The following NEDD4L variants were observed in gnomAD, a reference collection of about 807,000 sequenced individuals.
NEDD4L encodes the protein NEDD4 like E3 ubiquitin protein ligase, also known as E3 ubiquitin-protein ligase NEDD4-like.
A neutral mutation model predicts 148.9 loss-of-function variants in NEDD4L; 54 were observed. The ratio of observed to expected loss-of-function variants is 0.36; its 90% confidence interval spans 0.29 to 0.45. NEDD4L has a LOEUF of 0.45. Ranked by LOEUF, NEDD4L falls within the 20% of genes least tolerant of loss-of-function variation. The probability of loss-of-function intolerance (pLI) is 1.00; values close to 1 mark genes in which losing one functional copy is unlikely to be tolerated. For synonymous variants in NEDD4L, 433 were observed against 440.7 expected (o/e 0.98, Z 0.22); for missense variants, 856 against 1,233.8 (o/e 0.69, Z 4.59).
At chr18:58,092,853 CTCTT>C (rs1330290170) in intron 1 of NEDD4L, among the ~76,000 whole-genome samples, 2 of 147,824 alleles carry the variant, frequency 1.4e-5, no homozygotes, top group Non-Finnish European at 3.0e-5. Context: ...CTCCCTCTCT[CTCTT>C]TTTTTTTTGT....
intron 26 of NEDD4L, 44 bp from the exon 27 acceptor site, chr18:58,387,395 T>C: frequency 6.7e-7 from 1 of 1,489,454 alleles, no homozygotes; most frequent in Middle Eastern, 1.8e-4. Flanking sequence ...TTTTTTTTTT[T>C]TGAAGGCAAT....
chr18:58,062,301 C>G (rs553814851), intron 1 of NEDD4L, among the ~76,000 whole-genome samples: 1 of 152,174 alleles, frequency 6.6e-6, no homozygotes, highest in East Asian at 1.9e-4. Context: ...GTCTGTTGTC[C>G]TGAAAGGTGC....
At chr18:58,326,552 T>G (rs59390556) in intron 9 of NEDD4L, among the ~76,000 whole-genome samples, 7,431 of 152,276 alleles carry the variant, frequency 0.049, 552 homozygotes, top group African/African-American at 0.17. Flanking sequence ...TGGACCCACC[T>G]TGGGCTTGGT....
rs370232810 is a variant in NEDD4L at position 58,212,233 on chromosome 18, T to A, written c.123-33194T>A. On this transcript the variant is annotated intron_variant, in intron 2 of 30. Coordinates refer to ENST00000400345, the MANE Select transcript of NEDD4L (RefSeq NM_001144967.3). ...CCTTGACCTCCCAGACTCAGGTGAT[T>A]CTCCCACCTCAGCCTCCCATGTAGC... is the stretch of plus-strand genomic sequence containing the variant. 2.0e-5 allele frequency among the ~76,000 whole-genome samples: 3 copies of A among 152,130 alleles called. No individual in the cohort carries two copies. In the East Asian group the frequency reaches 5.8e-4, roughly 29 times the overall value.
chr18:58,209,660 A>G (rs1048040485), intron 2 of NEDD4L, among the ~76,000 whole-genome samples: 4 of 151,440 alleles, frequency 2.6e-5, no homozygotes, highest in African/African-American at 9.7e-5. Context: ...ATGAAGGTAA[A>G]AAGTAAAGAA....
chr18:58,290,528 G>C (rs1443060989), intron 5 of NEDD4L, among the ~76,000 whole-genome samples: 1 of 152,200 alleles, frequency 6.6e-6, no homozygotes, highest in Non-Finnish European at 1.5e-5. Flanking sequence ...AAGTGGGAGA[G>C]AGTCTAAAAA....
chr18:58,193,120 C>A (rs997671528), intron 2 of NEDD4L, among the ~76,000 whole-genome samples: 1 of 152,086 alleles, frequency 6.6e-6, no homozygotes, highest in Non-Finnish European at 1.5e-5. Flanking sequence ...TGATTTGAGT[C>A]ATTTTATTTA....
chr18:58,129,904 T>C (rs1304017379), intron 1 of NEDD4L, among the ~76,000 whole-genome samples: 1 of 146,908 alleles, frequency 6.8e-6, no homozygotes, highest in African/African-American at 2.5e-5. Flanking sequence ...TGTTGGGCTC[T>C]GGAGTTTGGT....
chr18:58,384,983 G>C (rs2146764923), intron 25 of NEDD4L, among the ~76,000 whole-genome samples: 1 of 152,226 alleles, frequency 6.6e-6, no homozygotes, highest in Non-Finnish European at 1.5e-5. Context: ...CTAAATTTTG[G>C]CATTAAATTA....
At chr18:58,157,560 T>G (rs561957759) in intron 1 of NEDD4L, among the ~76,000 whole-genome samples, 1 of 152,326 alleles carries the variant, frequency 6.6e-6, no homozygotes, top group South Asian at 2.1e-4. Context: ...TTTTGGATTT[T>G]TTTTTTAAAT....
intron 1 of NEDD4L, among the ~76,000 whole-genome samples, chr18:58,153,334 C>CTTTT (rs58164854): frequency 7.8e-6 from 1 of 128,160 alleles, no homozygotes. Flanking sequence ...AAGAGATTGA[C>CTTTT]TTTTTTTTTT....
At chr18:58,198,359 G>C (rs1407322839) in intron 2 of NEDD4L, among the ~76,000 whole-genome samples, 1 of 152,200 alleles carries the variant, frequency 6.6e-6, no homozygotes, top group Admixed American at 6.5e-5. Flanking sequence ...AAATTAAGCA[G>C]AGTGACATGT....
intron 1 of NEDD4L, among the ~76,000 whole-genome samples, chr18:58,057,171 C>G (rs1225154028): frequency 6.6e-6 from 1 of 152,188 alleles, no homozygotes; most frequent in African/African-American, 2.4e-5. Context: ...AATGCACATG[C>G]TCCCTTTCTC....
At chr18:58,197,116 G>T (rs2040802811) in intron 2 of NEDD4L, among the ~76,000 whole-genome samples, 1 of 152,112 alleles carries the variant, frequency 6.6e-6, no homozygotes, top group African/African-American at 2.4e-5. Flanking sequence ...CCCTGGATGT[G>T]GGAGGAACAG....
chr18:58,151,625 ATGTGTGTGTGTG>A (rs113714456), intron 1 of NEDD4L, among the ~76,000 whole-genome samples: 2 of 140,980 alleles, frequency 1.4e-5, no homozygotes, highest in East Asian at 4.2e-4. Context: ...GTGCCTGGAT[ATGTGTGTGTGTG>A]TGTGTGTGTG....
chr18:58,333,332 A>G (rs2041275915), intron 11 of NEDD4L, among the ~76,000 whole-genome samples: 1 of 151,958 alleles, frequency 6.6e-6, no homozygotes. Context: ...TTTCAGAAGT[A>G]GGCCAAGATG....
chr18:58,360,742 T>TTGTG (rs10665833), intron 19 of NEDD4L, among the ~76,000 whole-genome samples: 8,554 of 146,000 alleles, frequency 0.059, 292 homozygotes, highest in African/African-American at 0.094. Flanking sequence ...AGTTTATAAT[T>TTGTG]TGTGTGTGTG....
At chr18:58,066,836 A>G (rs549809722) in intron 1 of NEDD4L, among the ~76,000 whole-genome samples, 109 of 152,222 alleles carry the variant, frequency 7.2e-4, no homozygotes, top group African/African-American at 2.6e-3. Context: ...ATTTTTAAAT[A>G]ACCAAGCACA....
chr18:58,292,139 C>CAGGAGGG (rs78279910), intron 5 of NEDD4L, among the ~76,000 whole-genome samples: 65,465 of 151,700 alleles, frequency 0.43, 14,562 homozygotes, highest in African/African-American at 0.54. Context: ...CTGAGGCGTG[C>CAGGAGGG]ACTGGCTGGT....
Sources: gnomAD v4.1 joint callset for allele counts (sites outside exome capture counted in the v4.1 genomes callset) on GRCh38, gnomAD v4.1.1 for gene constraint, MANE v1.5 for transcripts, NCBI Gene and HGNC (gene_info 2026-07-23, HGNC 2026-07-21) for gene names.